Variants in CHCHD3 observed in about 807,000 individuals in gnomAD.
CHCHD3 encodes the protein coiled-coil-helix-coiled-coil-helix domain containing 3.
In CHCHD3, 20 loss-of-function variants were observed where a neutral mutation model predicts 38.2. The ratio of observed to expected loss-of-function variants is 0.52; its 90% CI spans 0.37 to 0.76. CHCHD3 has a LOEUF of 0.76. Among genes scored for constraint, CHCHD3 ranks in the 30% least tolerant of loss-of-function variants. The pLI is 0.00. For missense variants in CHCHD3, 245 were observed against 279.2 expected, an observed-to-expected ratio of 0.88 and a Z score of 0.87; for synonymous variants, 82 against 100.0, an observed-to-expected ratio of 0.82 and a Z score of 1.07.
chr7:132,844,007 G>A lies in CHCHD3; in HGVS notation c.454-5538C>T, dbSNP rs181686599. On this transcript the variant is annotated intron_variant, in intron 5 of 7. Coordinates refer to ENST00000262570, the MANE Select transcript of CHCHD3 (RefSeq NM_017812.4). ...AGATGACCTTAAAAAGATAAATAAAGAGAACAAACGGGCCGGGCGAAGTGG... is the reference window on the plus strand; with the variant it reads ...AGATGACCTTAAAAAGATAAATAAAAAGAACAAACGGGCCGGGCGAAGTGG... Among the ~76,000 whole-genome samples the A allele has an allele frequency of 1.8e-4, 28 of 152,288 alleles. No individual in the cohort carries two copies. In the East Asian group the frequency reaches 4.6e-3, roughly 25 times the overall value.
At chr7:133,019,046 G>A (rs1303494612) in intron 3 of CHCHD3, among the ~76,000 whole-genome samples, 1 of 151,810 alleles carries the variant, frequency 6.6e-6, no homozygotes, top group Non-Finnish European at 1.5e-5. Context: ...ACCACACCCA[G>A]CTAATTTTGT....
intron 3 of CHCHD3, among the ~76,000 whole-genome samples, chr7:133,014,246 T>A (rs933948940): frequency 4.6e-5 from 7 of 152,016 alleles, no homozygotes; most frequent in Admixed American, 2.6e-4. Context: ...AAATCAAGAA[T>A]TGAAACATTT....
Position 133,049,310 on chromosome 7 carries a change from G to A in CHCHD3, c.169+20832C>T, listed in dbSNP as rs1273429080. Among the ~76,000 whole-genome samples the A allele has an allele frequency of 5.3e-5, 8 of 152,328 alleles. No homozygotes were observed. The East Asian group carries it at 1.3e-3, about 26-fold the overall frequency. ...ACAGCCATAAATACTATAATGTACA[G>A]ATCATATTCTTTTGAATCAATTATC... On this transcript the variant is annotated intron_variant, in intron 2 of 7. Transcript: ENST00000262570.
intron 4 of CHCHD3, among the ~76,000 whole-genome samples, chr7:132,918,654 C>T (rs1416644249): frequency 6.6e-6 from 1 of 152,162 alleles, no homozygotes; most frequent in Non-Finnish European, 1.5e-5. Context: ...ACTTAAAAGA[C>T]TCAATCTGAG....
intron 2 of CHCHD3, among the ~76,000 whole-genome samples, chr7:133,063,742 T>G (rs1008609783): frequency 6.6e-6 from 1 of 152,192 alleles, no homozygotes; most frequent in Non-Finnish European, 1.5e-5. Context: ...GCACAACTAA[T>G]GTAACTTTCC....
chr7:132,817,819 G>A (rs529229886), intron 6 of CHCHD3, among the ~76,000 whole-genome samples: 3 of 151,908 alleles, frequency 2.0e-5, no homozygotes, highest in South Asian at 4.2e-4. Context: ...CTTGACCCAG[G>A]AGGTCAAGGC....
chr7:133,039,308 C>G (rs1478480785), intron 2 of CHCHD3, among the ~76,000 whole-genome samples: 2 of 152,136 alleles, frequency 1.3e-5, no homozygotes, highest in Non-Finnish European at 2.9e-5. Flanking sequence ...GATATTACAG[C>G]TTTATCTTGA....
chr7:132,836,168 C>G (rs531269538), intron 6 of CHCHD3, among the ~76,000 whole-genome samples: 2 of 152,038 alleles, frequency 1.3e-5, no homozygotes, highest in South Asian at 4.2e-4. Context: ...GGCTAAAGTG[C>G]AATGGCATGA....
chr7:133,006,055 A>AG, intron 3 of CHCHD3, among the ~76,000 whole-genome samples: 1 of 152,236 alleles, frequency 6.6e-6, no homozygotes, highest in Non-Finnish European at 1.5e-5. Flanking sequence ...CAGATTTCTT[A>AG]AACTATATTA....
At chr7:132,785,899 C>T (rs748408156) in intron 7 of CHCHD3, among the ~76,000 whole-genome samples, 4 of 152,122 alleles carry the variant, frequency 2.6e-5, no homozygotes, top group African/African-American at 7.2e-5. Flanking sequence ...CCAACAAGGC[C>T]GGGCGCAGTA....
At chr7:133,059,124 A>G (rs1814424378) in intron 2 of CHCHD3, among the ~76,000 whole-genome samples, 1 of 152,050 alleles carries the variant, frequency 6.6e-6, no homozygotes, top group African/African-American at 2.4e-5. Context: ...CAGAAAGACC[A>G]CTCTTTCAAG....
chr7:132,859,736 G>C (rs4731915), intron 5 of CHCHD3, among the ~76,000 whole-genome samples: 35,090 of 151,980 alleles, frequency 0.23, 4,239 homozygotes, highest in South Asian at 0.26. Context: ...CTGGACTCTT[G>C]TCTTCCCTTA....
intron 1 of CHCHD3, among the ~76,000 whole-genome samples, chr7:133,076,165 T>C (rs1814986781): frequency 6.6e-6 from 1 of 151,562 alleles, no homozygotes; most frequent in Non-Finnish European, 1.5e-5. Flanking sequence ...GACCTATACC[T>C]ATTATACTTG....
chr7:133,035,664 C>T lies in CHCHD3; in HGVS notation c.170-11037G>A. On this transcript the variant is annotated intron_variant, in intron 2 of 7. Coordinates refer to ENST00000262570, the MANE Select transcript of CHCHD3 (RefSeq NM_017812.4). The surrounding 1 kb of genome is among the most constrained non-coding windows in gnomAD (Gnocchi z 4.7). The stretch of plus-strand genomic sequence containing the variant: ...CTGGGCTGCTGCCTCTGGAGTACTT[C>T]CCCGCAGCTCCTCATTGCTCACATA... The T allele has an allele frequency of 1.9e-6, 3 of 1,612,084 alleles. No individual in the cohort carries two copies. Among genetic ancestry groups the T allele is most frequent in the Non-Finnish European group, 2.5e-6 (3 of 1,178,788 alleles).
intron 2 of CHCHD3, among the ~76,000 whole-genome samples, 178 bp downstream of exon 2, chr7:133,069,964 T>C (rs1044420083): frequency 1.3e-5 from 2 of 152,202 alleles, no homozygotes; most frequent in African/African-American, 4.8e-5. Context: ...TGAAAATAGT[T>C]TCATTCTTAG....
intron 6 of CHCHD3, among the ~76,000 whole-genome samples, chr7:132,834,471 C>CA (rs1807726766): frequency 6.6e-6 from 1 of 152,130 alleles, no homozygotes; most frequent in Admixed American, 6.5e-5. Flanking sequence ...AGTCAAAACG[C>CA]AAAAATCCAA....
intron 4 of CHCHD3, among the ~76,000 whole-genome samples, chr7:132,963,385 A>G (rs1811371752): frequency 8.0e-6 from 1 of 125,018 alleles, no homozygotes. Flanking sequence ...TAATCCCAGC[A>G]CTTTGGGAGG....
intron 1 of CHCHD3, among the ~76,000 whole-genome samples, chr7:133,076,510 C>T (rs1814995689): frequency 6.6e-6 from 1 of 152,190 alleles, no homozygotes; most frequent in Non-Finnish European, 1.5e-5. Context: ...TTCTCTATTG[C>T]TCCTAAAGAC....
chr7:132,888,663 G>A (rs1374215845), intron 4 of CHCHD3, among the ~76,000 whole-genome samples: 2 of 151,892 alleles, frequency 1.3e-5, no homozygotes, highest in African/African-American at 4.8e-5. Context: ...AACAATAGAT[G>A]TTTGGGTAAA....
Sources: gnomAD v4.1 joint callset for allele counts (sites outside exome capture counted in the v4.1 genomes callset) on GRCh38, gnomAD v4.1.1 for gene constraint, Gnocchi (gnomAD v3.1) non-coding constraint, MANE v1.5 for transcripts, NCBI Gene and HGNC (gene_info 2026-07-23, HGNC 2026-07-21) for gene names.